The following ATXN7L1 variants were observed in gnomAD, a reference collection of about 807,000 sequenced individuals.
The protein encoded by ATXN7L1 is ataxin 7 like 1, also known as ataxin-7-like protein 1.
In ATXN7L1, 15 loss-of-function variants were observed where a neutral mutation model predicts 70.8. The observed-to-expected ratio is 0.21, with a 90% CI of 0.14 to 0.33. The LOEUF (loss-of-function observed/expected upper bound fraction) is 0.33, where lower values mean the gene tolerates loss of function less well. Among genes scored for constraint, ATXN7L1 ranks in the 10% least tolerant of loss-of-function variants. The probability of loss-of-function intolerance (pLI) is 1.00; values close to 1 mark genes in which losing one functional copy is unlikely to be tolerated. For synonymous variants in ATXN7L1, 440 were observed against 445.1 expected (o/e 0.99, Z 0.14); for missense variants, 975 against 1,097.1 (o/e 0.89, Z 1.57).
At chr7:105,800,794 G>A (rs1410463981) in intron 2 of ATXN7L1, among the ~76,000 whole-genome samples, 1 of 152,210 alleles carries the variant, frequency 6.6e-6, no homozygotes, top group East Asian at 1.9e-4. Context: ...TACCTCCCCT[G>A]TAAGGTTGCT....
Position 105,819,723 on chromosome 7 carries a change from C to A in ATXN7L1, c.251-31015G>T, listed in dbSNP as rs1240731238. On this transcript the variant is annotated intron_variant, in intron 2 of 11. Transcript: ENST00000419735. ...CCCCTACCACTTCCGGGCCTCTAGC[C>A]GCACCTTCCGGCTGACCTCGAGGCA... 3 of 832,150 alleles carry A rather than the reference C, an allele frequency of 3.6e-6. No homozygotes were observed. In the African/African-American group the frequency reaches 5.1e-5, roughly 14 times the overall value. The allele number at this position is 832,150 out of a possible 1,614,324, so 51.5% of individuals were successfully genotyped here. A position where few individuals can be genotyped will look rare whatever the true frequency, so the allele number is the denominator to read the frequency against.
chr7:105,678,860 C>T (rs892779148), intron 3 of ATXN7L1, among the ~76,000 whole-genome samples: 5 of 152,210 alleles, frequency 3.3e-5, no homozygotes, highest in African/African-American at 4.8e-5. Flanking sequence ...CTACTCTCCC[C>T]GCTCCCCGCC....
At chr7:105,747,761 T>A (rs1375862481) in intron 3 of ATXN7L1, among the ~76,000 whole-genome samples, 1 of 152,166 alleles carries the variant, frequency 6.6e-6, no homozygotes, top group Non-Finnish European at 1.5e-5. Flanking sequence ...GACATCCAGC[T>A]GGTGTCCACT....
intron 3 of ATXN7L1, chr7:105,691,633 C>T (rs1369539217): frequency 5.1e-5 from 7 of 137,036 alleles, no homozygotes; most frequent in South Asian, 4.5e-4. Flanking sequence ...GAACCTGAAG[C>T]GATCCACATT....
rs377639430 is a variant in ATXN7L1, at chr7:105,696,240, C to T, written c.356-30952G>A. Reference sequence around the variant, plus strand: ...TGACTGGAAATGCTCTGCAGCTTGGCGGGAGGTATATGTAGTGCTTCCCAC... The same window carrying T: ...TGACTGGAAATGCTCTGCAGCTTGGTGGGAGGTATATGTAGTGCTTCCCAC... On this transcript the variant is annotated intron_variant, in intron 3 of 11. Coordinates refer to ENST00000419735, the MANE Select transcript of ATXN7L1 (RefSeq NM_020725.2). 1.8e-4 allele frequency among the ~76,000 whole-genome samples: 28 copies of T among 152,278 alleles called. No individual in the cohort carries two copies. The South Asian group carries it at 4.4e-3, about 24-fold the overall frequency.
At chr7:105,775,241 G>A (rs1221032033) in intron 3 of ATXN7L1, among the ~76,000 whole-genome samples, 2 of 152,208 alleles carry the variant, frequency 1.3e-5, no homozygotes, top group Non-Finnish European at 2.9e-5. Flanking sequence ...GGTATTCCCC[G>A]ATTCTAGGAT....
At chr7:105,748,283 A>G (rs1313923458) in intron 3 of ATXN7L1, among the ~76,000 whole-genome samples, 2 of 152,224 alleles carry the variant, frequency 1.3e-5, no homozygotes, top group African/African-American at 4.8e-5. Flanking sequence ...GACAAGGGAC[A>G]AAGGGCAGCG....
chr7:105,820,068 A>C, intron 2 of ATXN7L1: 1 of 401,628 alleles, frequency 2.5e-6, no homozygotes, highest in South Asian at 1.9e-5. Flanking sequence ...ACAAATACAC[A>C]GAAGCTCTCA....
intron 2 of ATXN7L1, among the ~76,000 whole-genome samples, chr7:105,808,722 G>A (rs1283045676): frequency 1.3e-5 from 2 of 152,226 alleles, no homozygotes; most frequent in Admixed American, 1.3e-4. Context: ...CTACCTAAGT[G>A]ACATAAAAGA....
chr7:105,617,619 T>C (rs536622751), intron 9 of ATXN7L1, among the ~76,000 whole-genome samples: 1 of 152,346 alleles, frequency 6.6e-6, no homozygotes, highest in East Asian at 1.9e-4. Flanking sequence ...AAACAGTTTA[T>C]GTGTTTTTCT....
At chr7:105,756,720 C>G (rs1799848358) in intron 3 of ATXN7L1, among the ~76,000 whole-genome samples, 5 of 152,140 alleles carry the variant, frequency 3.3e-5, no homozygotes, top group Admixed American at 2.6e-4. Context: ...TTTCTAATCT[C>G]AGCAGGCAGG....
chr7:105,650,757 C>T (rs748635869), intron 4 of ATXN7L1, among the ~76,000 whole-genome samples: 5 of 152,090 alleles, frequency 3.3e-5, no homozygotes, highest in Non-Finnish European at 5.9e-5. Context: ...CTGCTGAGAA[C>T]AATGATGTGA....
At chr7:105,740,784 T>TTTTTTTTTTTTCTTTTTTTTTTTG (rs556048408) in intron 3 of ATXN7L1, among the ~76,000 whole-genome samples, 1 of 77,926 alleles carries the variant, frequency 1.3e-5, no homozygotes, top group Non-Finnish European at 2.3e-5. Flanking sequence ...TTTTTTTTTT[T>TTTTTTTTTTTTCTTTTTTTTTTTG]AATGGAGTCT....
chr7:105,819,787 G>C (rs1187058035), intron 2 of ATXN7L1: 2 of 672,794 alleles, frequency 3.0e-6, no homozygotes, highest in Non-Finnish European at 5.6e-6. Flanking sequence ...GGCCGCCCTG[G>C]AGCGCCTCAA....
At chr7:105,774,362 T>C (rs1364407840) in intron 3 of ATXN7L1, among the ~76,000 whole-genome samples, 2 of 150,882 alleles carry the variant, frequency 1.3e-5, no homozygotes. Context: ...CCTTTTTTTT[T>C]TTTTTTTGAG....
At chr7:105,811,340 C>T (rs974610460) in intron 2 of ATXN7L1, among the ~76,000 whole-genome samples, 1 of 152,186 alleles carries the variant, frequency 6.6e-6, no homozygotes, top group African/African-American at 2.4e-5. Context: ...AAGCATGCAA[C>T]AGATTCTGCC....
At chr7:105,820,942 C>A (rs1230799671) in intron 2 of ATXN7L1, among the ~76,000 whole-genome samples, 1 of 152,216 alleles carries the variant, frequency 6.6e-6, no homozygotes, top group Admixed American at 6.5e-5. Context: ...TGATTGTAAT[C>A]TTCTTGAGGC....
In ATXN7L1 at chr7:105,750,623, G is replaced by A. The variant is rs962154195; in HGVS notation, c.355+37981C>T. ...TCGAGACCAGCCTGACCAACATGGT[G>A]AAACCCCGTCTCTACTAAAAAATAC... On this transcript the variant is annotated intron_variant, in intron 3 of 11. Coordinates refer to ENST00000419735, the MANE Select transcript of ATXN7L1 (RefSeq NM_020725.2). Among the ~76,000 whole-genome samples the A allele has an allele frequency of 6.8e-5, 10 of 148,146 alleles. 1 individual carries two copies. The Admixed American group carries it at 7.0e-4, about 10-fold the overall frequency.
intron 6 of ATXN7L1, 126 bp from the exon 7 acceptor site, chr7:105,638,735 G>A: frequency 1.6e-6 from 2 of 1,216,946 alleles, no homozygotes; most frequent in East Asian, 2.6e-5. Flanking sequence ...CAACTTCAAG[G>A]CAACAGCTCC....
Sources: allele counts gnomAD v4.1 joint callset (sites outside exome capture counted in the v4.1 genomes callset), GRCh38; gene constraint gnomAD v4.1.1; transcripts MANE v1.5; gene names NCBI Gene and HGNC (gene_info 2026-07-23, HGNC 2026-07-21).